MYB: variants seen among roughly 807,000 people sequenced by gnomAD.
The protein encoded by MYB is transcriptional activator Myb.
In MYB, 28 loss-of-function variants were observed where a neutral mutation model predicts 92.9. That is an observed-to-expected ratio of 0.30 (90% CI 0.22 to 0.41). MYB has a LOEUF of 0.41. Among genes scored for constraint, MYB ranks in the 10% least tolerant of loss-of-function variants. MYB has a pLI of 1.00. For synonymous variants in MYB, 295 were observed against 329.1 expected, an observed-to-expected ratio of 0.90 and a Z score of 1.12; for missense variants, 679 against 929.3, an observed-to-expected ratio of 0.73 and a Z score of 3.50.
At chr6:135,208,458 T>C (rs185200077) in intron 15 of MYB, among the ~76,000 whole-genome samples, 141 of 152,096 alleles carry the variant, frequency 9.3e-4, no homozygotes, top group Middle Eastern at 3.4e-3. Context: ...CATGGCTCAC[T>C]GCAGCCTACC....
intron 15 of MYB, among the ~76,000 whole-genome samples, chr6:135,209,797 GT>G (rs1167149238): frequency 6.6e-6 from 1 of 152,114 alleles, no homozygotes; most frequent in African/African-American, 2.4e-5. Flanking sequence ...GTTCTGAGAT[GT>G]TTTTCATATT....
At chr6:135,193,184 A>T (rs1219412932) in intron 6 of MYB, among the ~76,000 whole-genome samples, 1 of 152,170 alleles carries the variant, frequency 6.6e-6, no homozygotes, top group Non-Finnish European at 1.5e-5. Flanking sequence ...AGATATTTAT[A>T]TTTAGGGAAA....
At chr6:135,216,463 T>C (rs1007839219) in intron 15 of MYB, among the ~76,000 whole-genome samples, 11 of 152,254 alleles carry the variant, frequency 7.2e-5, no homozygotes, top group African/African-American at 2.7e-4. Context: ...CTGTATACTT[T>C]AAGTCATCTC....
rs138430387 is a variant in MYB at position 135,185,912 on chromosome 6, C to T, written c.33C>T (p.Ser11=). 1.9e-6 allele frequency: 3 copies of T among 1,612,606 alleles called. No homozygotes were observed. The highest frequency in any genetic ancestry group is 1.1e-5 in the South Asian group (1 of 91,052). MARRPRHSIY[S]SDEDDEDFEM... ...ATTCTTATTTCTGCAGCATATATAG[C>T]AGTGACGAGGATGATGAGGACTTTG... is the stretch of plus-strand genomic sequence containing the variant. Residue 11 remains serine (S), a synonymous_variant, in exon 2 of 16, where the codon AGC becomes AGT. Coordinates refer to ENST00000341911, the MANE Select transcript of MYB (RefSeq NM_001130173.2).
chr6:135,216,445 G>A (rs1261518781), intron 15 of MYB, among the ~76,000 whole-genome samples: 2 of 152,104 alleles, frequency 1.3e-5, no homozygotes, highest in East Asian at 1.9e-4. Context: ...CATTGTACCC[G>A]TTCATTCCTG....
chr6:135,199,950 T>G (rs994501602), intron 11 of MYB, 135 bp from the exon 12 acceptor site: 8 of 679,082 alleles, frequency 1.2e-5, no homozygotes, highest in Non-Finnish European at 1.8e-5. Flanking sequence ...ATAACGTGAT[T>G]AATCAGCACA....
chr6:135,210,188 G>A (rs1408198465), intron 15 of MYB, among the ~76,000 whole-genome samples: 3 of 152,120 alleles, frequency 2.0e-5, no homozygotes, highest in Non-Finnish European at 4.4e-5. Context: ...ATCAAAAACC[G>A]TGCTTTAAGT....
chr6:135,206,642 G>A (rs568289892), intron 15 of MYB, among the ~76,000 whole-genome samples: 131 of 152,296 alleles, frequency 8.6e-4, no homozygotes, highest in African/African-American at 3.1e-3. Flanking sequence ...GTTGCAGTGA[G>A]CCCAGATCGT....
intron 15 of MYB, among the ~76,000 whole-genome samples, chr6:135,214,314 T>C (rs1024780864): frequency 6.6e-6 from 1 of 151,846 alleles, no homozygotes; most frequent in Non-Finnish European, 1.5e-5. Context: ...CTATATTGAT[T>C]GAAGCCCAGC....
At chr6:135,204,142 A>C (rs1171695665) in intron 15 of MYB, among the ~76,000 whole-genome samples, 1 of 152,204 alleles carries the variant, frequency 6.6e-6, no homozygotes, top group Non-Finnish European at 1.5e-5. Context: ...TCTTGCTGTA[A>C]GTTAAATGGC....
chr6:135,203,612 C>T, intron 15 of MYB: 1 of 875,268 alleles, frequency 1.1e-6, no homozygotes, highest in Non-Finnish European at 1.7e-6. Flanking sequence ...AGATGTATTA[C>T]ACGTGTGTCA....
At chr6:135,186,551 T>C (rs1775938562) in intron 2 of MYB, among the ~76,000 whole-genome samples, 1 of 152,192 alleles carries the variant, frequency 6.6e-6, no homozygotes, top group Non-Finnish European at 1.5e-5. Flanking sequence ...GTTCTCTCAA[T>C]AAGTGAATGA....
In MYB at chr6:135,185,993, G is replaced by A; in HGVS notation, c.114G>A (p.Leu38=). 6.2e-7 allele frequency: 1 copy of A among 1,614,076 alleles called. No homozygotes were observed. The highest frequency in any genetic ancestry group is 1.1e-5 in the South Asian group (1 of 91,068). ...GLLPKSGKRH[L]GKTRWTREED... is the part of the protein sequence containing the mutation. ...TTCCCAAGTCTGGAAAGCGTCACTT[G>A]GGGAAAACAAGGTGGACCCGGGAAG... Residue 38 remains leucine, a synonymous_variant, in exon 2 of 16, where the codon TTG becomes TTA. Transcript: ENST00000341911.
chr6:135,209,339 T>G (rs563906891), intron 15 of MYB, among the ~76,000 whole-genome samples: 23 of 152,320 alleles, frequency 1.5e-4, no homozygotes, highest in Middle Eastern at 3.4e-3. Context: ...GTCCAAGCTA[T>G]TCTCCTGCCT....
chr6:135,207,213 A>G (rs541710496), intron 15 of MYB, among the ~76,000 whole-genome samples: 1 of 152,328 alleles, frequency 6.6e-6, no homozygotes, highest in African/African-American at 2.4e-5. Flanking sequence ...ACTTATAATA[A>G]ATCAAATATT....
Position 135,188,166 on chromosome 6 carries a change from G to A in MYB, c.213+261G>A, listed in dbSNP as rs967155832. 7.9e-5 allele frequency among the ~76,000 whole-genome samples: 12 copies of A among 152,192 alleles called. 1 individual carries two copies. The highest frequency in any genetic ancestry group is 7.9e-4 in the Admixed American group (12 of 15,284). On this transcript the variant is annotated intron_variant, in intron 3 of 15. Coordinates refer to ENST00000341911, the MANE Select transcript of MYB (RefSeq NM_001130173.2). The stretch of plus-strand genomic sequence containing the variant: ...TTCTTGTTTTATCTTTTCATTTATA[G>A]GATAATTAGTATTTTGATGATTTGT...
At chr6:135,186,117 G>A in intron 2 of MYB, 97 bp downstream of exon 2, 1 of 977,118 alleles carries the variant, frequency 1.0e-6, no homozygotes, top group Non-Finnish European at 1.6e-6. Context: ...AAGCTCATTA[G>A]CAGGCTCCTT....
chr6:135,188,517 T>G (rs1348721540), intron 3 of MYB, among the ~76,000 whole-genome samples: 6 of 151,002 alleles, frequency 4.0e-5, no homozygotes, highest in Non-Finnish European at 5.9e-5. Context: ...GTTTTTTGTT[T>G]TTTGTTTTTT....
chr6:135,186,252 C>T (rs1222811251), intron 2 of MYB, among the ~76,000 whole-genome samples: 5 of 152,138 alleles, frequency 3.3e-5, no homozygotes, highest in African/African-American at 1.2e-4. Context: ...ATCTGTGTTT[C>T]CTTTTGCCTG....
Sources: gnomAD v4.1 joint callset for allele counts (sites outside exome capture counted in the v4.1 genomes callset) on GRCh38, gnomAD v4.1.1 for gene constraint, MANE v1.5 for transcripts, NCBI Gene and HGNC (gene_info 2026-07-23, HGNC 2026-07-21) for gene names.